Variants in GRSF1 observed in about 807,000 individuals in gnomAD.
The protein encoded by GRSF1 is G-rich sequence factor 1.
A neutral mutation model predicts 51.1 loss-of-function variants in GRSF1; 50 were observed. That is an observed-to-expected ratio of 0.98 (90% CI 0.78 to 1.24). The LOEUF (loss-of-function observed/expected upper bound fraction) is 1.24, where lower values mean the gene tolerates loss of function less well. Ranked by LOEUF, GRSF1 falls within the 50% of genes most tolerant of loss-of-function variation. GRSF1 has a pLI of 0.00. For synonymous variants in GRSF1, 293 were observed against 253.3 expected, an observed-to-expected ratio of 1.16 and a Z score of -1.49; for missense variants, 700 against 639.7, an observed-to-expected ratio of 1.09 and a Z score of -1.02.
At chr4:70,822,018 G>C (rs1280425083) in intron 9 of GRSF1, among the ~76,000 whole-genome samples, 1 of 151,516 alleles carries the variant, frequency 6.6e-6, no homozygotes, top group African/African-American at 2.4e-5. Flanking sequence ...TGTCTCAAAA[G>C]AATGAGCCAT....
At chr4:70,842,476 C>T (rs1734478770), upstream of GRSF1, among the ~76,000 whole-genome samples, 1 of 152,096 alleles carries the variant, frequency 6.6e-6, no homozygotes, top group African/African-American at 2.4e-5. Context: ...TGCTCTTTTG[C>T]CCGAGCTGGG....
At chr4:70,841,422 C>T (rs1734456123), upstream of GRSF1, among the ~76,000 whole-genome samples, 1 of 152,230 alleles carries the variant, frequency 6.6e-6, no homozygotes, top group Non-Finnish European at 1.5e-5. Flanking sequence ...GGTTGTGCAG[C>T]TTTTCTCCTC....
chr4:70,825,869 T>C (rs1333551152), intron 7 of GRSF1: 3 of 359,602 alleles, frequency 8.3e-6, no homozygotes, highest in African/African-American at 4.4e-5. Flanking sequence ...GAGGCAGAGG[T>C]TGCAGTGAGC....
chr4:70,821,563 A>G (rs1214676751), intron 9 of GRSF1, among the ~76,000 whole-genome samples: 2 of 148,942 alleles, frequency 1.3e-5, no homozygotes, highest in Non-Finnish European at 3.0e-5. Context: ...CGGAGATCAC[A>G]CCACTGCACT....
chr4:70,829,842 G>A (rs1225983298), intron 5 of GRSF1, among the ~76,000 whole-genome samples: 3 of 151,968 alleles, frequency 2.0e-5, no homozygotes, highest in Admixed American at 6.6e-5. Flanking sequence ...TCTATCAGTA[G>A]ATCCTGAAAC....
chr4:70,840,554 G>A (rs1290461416), upstream of GRSF1, among the ~76,000 whole-genome samples: 2 of 152,192 alleles, frequency 1.3e-5, no homozygotes, highest in East Asian at 3.8e-4. Flanking sequence ...CCTGAGGTCA[G>A]CAGTTCAAGA....
At chr4:70,824,474 C>T in intron 8 of GRSF1, 106 bp from the exon 9 acceptor site, 1 of 645,720 alleles carries the variant, frequency 1.5e-6, no homozygotes, top group South Asian at 1.7e-5. Flanking sequence ...TTGCCCTTTC[C>T]TTTCCCTAAT....
rs546689991 is a variant in GRSF1 at position 70,826,084 on chromosome 4, G to T, written c.1257+40C>A. ...ATACAAGTTCAATTTTAGAACTTTT[G>T]TTCAAATCTATTGAGATTGGATATC... On this transcript the variant is annotated intron_variant, in intron 7 of 9. Transcript: ENST00000254799. 6 of 1,557,290 alleles carry T rather than the reference G, an allele frequency of 3.9e-6. No individual in the cohort carries two copies. In the Admixed American group the frequency reaches 7.5e-5, roughly 19 times the overall value.
At chr4:70,832,215 C>G in intron 4 of GRSF1, 92 bp downstream of exon 4, 1 of 1,008,154 alleles carries the variant, frequency 9.9e-7, no homozygotes, top group Middle Eastern at 2.2e-4. Context: ...AACTGCATGC[C>G]TTTGCCCAGA....
intron 1 of GRSF1, among the ~76,000 whole-genome samples, chr4:70,837,859 C>G (rs1466178394): frequency 6.6e-6 from 1 of 151,362 alleles, no homozygotes; most frequent in Non-Finnish European, 1.5e-5. Flanking sequence ...AGCCTGCTAT[C>G]GAACTCCTGA....
At position 70,816,245 on chromosome 4, in the gene GRSF1, G is replaced by C. The variant is rs1315523204; in HGVS notation, c.*4642C>G. ...CACACCTGTAATCCCAGCTACTCGGGAGGCTGAGGCAGGAGACTCCCTTGA... is the reference window on the plus strand; with the variant it reads ...CACACCTGTAATCCCAGCTACTCGGCAGGCTGAGGCAGGAGACTCCCTTGA... On this transcript the variant is annotated 3_prime_UTR_variant, in exon 10 of 10. Transcript: ENST00000254799. 1 of 151,942 alleles carries C rather than the reference G, an allele frequency of 6.6e-6. No homozygotes were observed. The highest frequency in any genetic ancestry group is 1.9e-4 in the East Asian group (1 of 5,188). 9.4% of individuals were successfully genotyped at this position (151,942 alleles called of 1,614,324 possible).
upstream of GRSF1, chr4:70,839,909 G>T (rs970017025): frequency 4.5e-6 from 6 of 1,319,380 alleles, no homozygotes; most frequent in East Asian, 6.2e-5. Context: ...GGGCCGGTTG[G>T]GGGTGGGGTG....
rs770353620 is a variant in GRSF1, at chr4:70,839,239, G to A, written c.357+232C>T. The stretch of plus-strand genomic sequence containing the variant: ...CCAGCCACACTTACACTGCCCAACC[G>A]ACCAGAGACTCGAGGCGAGAACAAA... On this transcript the variant is annotated intron_variant, in intron 1 of 9. Transcript: ENST00000254799. The A allele has an allele frequency of 1.2e-5, 17 of 1,466,832 alleles. No individual in the cohort carries two copies. In the Admixed American group the frequency reaches 1.6e-4, roughly 14 times the overall value. The allele number at this position is 1,466,832 out of a possible 1,614,324, so 90.9% of individuals were successfully genotyped here.
intron 5 of GRSF1, among the ~76,000 whole-genome samples, chr4:70,830,279 C>G (rs187372745): frequency 4.4e-4 from 67 of 152,124 alleles, no homozygotes; most frequent in African/African-American, 1.3e-3. Context: ...CACGCACGCA[C>G]GCACACACAC....
At chr4:70,840,445 G>T (rs1488661765), upstream of GRSF1, among the ~76,000 whole-genome samples, 1 of 152,170 alleles carries the variant, frequency 6.6e-6, no homozygotes, top group Non-Finnish European at 1.5e-5. Flanking sequence ...AGGCAACACG[G>T]TGAAATCCCG....
intron 4 of GRSF1, 31 bp downstream of exon 4, chr4:70,832,276 A>G: frequency 6.3e-7 from 1 of 1,591,818 alleles, no homozygotes; most frequent in Non-Finnish European, 8.6e-7. Context: ...AAAAGATATG[A>G]GCTCCCAAGC....
At chr4:70,832,950 C>G (rs1463819891) in intron 3 of GRSF1, among the ~76,000 whole-genome samples, 168 bp downstream of exon 3, 2 of 151,742 alleles carry the variant, frequency 1.3e-5, no homozygotes, top group Admixed American at 1.3e-4. Context: ...TCCATCCCCC[C>G]CACAAAAAAA....
chr4:70,836,938 A>T (rs1488662481), intron 1 of GRSF1, among the ~76,000 whole-genome samples: 1 of 152,242 alleles, frequency 6.6e-6, no homozygotes, highest in Non-Finnish European at 1.5e-5. Flanking sequence ...GAGCCAAAGA[A>T]GGTGACCTGG....
intron 8 of GRSF1, among the ~76,000 whole-genome samples, chr4:70,824,776 C>CGT (rs1733667401): frequency 6.6e-6 from 1 of 152,092 alleles, no homozygotes; most frequent in Non-Finnish European, 1.5e-5. Flanking sequence ...GACAAGACTC[C>CGT]GTCTCAAACA....
Sources: gnomAD v4.1 joint callset for allele counts (sites outside exome capture counted in the v4.1 genomes callset) on GRCh38, gnomAD v4.1.1 for gene constraint, MANE v1.5 for transcripts, NCBI Gene and HGNC (gene_info 2026-07-23, HGNC 2026-07-21) for gene names.